Variants in SRSF9 observed in about 807,000 individuals in gnomAD.
The protein encoded by SRSF9 is serine and arginine rich splicing factor 9.
Under a neutral mutation model 25.9 loss-of-function variants are expected in SRSF9, and 3 were observed. That is an observed-to-expected ratio of 0.12 (90% CI 0.05 to 0.30). SRSF9 has a LOEUF of 0.30. Ranked by LOEUF, SRSF9 falls within the 10% of genes least tolerant of loss-of-function variation. The probability of loss-of-function intolerance (pLI) is 1.00; values close to 1 mark genes in which losing one functional copy is unlikely to be tolerated. For synonymous variants in SRSF9, 114 were observed against 113.2 expected (o/e 1.01, Z -0.05); for missense variants, 161 against 303.5 (o/e 0.53, Z 3.49).
Position 120,461,902 on chromosome 12 carries a change from A to G in SRSF9, c.*117T>C. 8.8e-7 allele frequency: 1 copy of G among 1,142,538 alleles called. No individual in the cohort carries two copies. The highest frequency in any genetic ancestry group is 2.9e-5 in the South Asian group (1 of 34,034). 70.8% of individuals were successfully genotyped at this position (1,142,538 alleles called of 1,614,324 possible). The stretch of plus-strand genomic sequence containing the variant: ...TTATGTAGTTTTTTTTCTTCTTTAA[A>G]AAAAAAAAATTAAAAAAATTTCCTA... On this transcript the variant is annotated 3_prime_UTR_variant, in exon 4 of 4. Transcript: ENST00000229390.
intron 1 of SRSF9, among the ~76,000 whole-genome samples, chr12:120,468,926 C>A (rs1037623553): frequency 6.6e-6 from 1 of 152,080 alleles, no homozygotes; most frequent in Admixed American, 6.5e-5. Context: ...CGGGGCGGGG[C>A]GCGCGAACGG....
intron 3 of SRSF9, 99 bp from the exon 4 acceptor site, chr12:120,462,261 A>G (rs1878367139): frequency 7.6e-7 from 1 of 1,320,630 alleles, no homozygotes; most frequent in Non-Finnish European, 1.0e-6. Context: ...AGTATTGAGC[A>G]CTTACTGTGT....
intron 3 of SRSF9, 119 bp downstream of exon 3, chr12:120,463,831 A>G (rs1192038544): frequency 8.4e-6 from 10 of 1,193,660 alleles, no homozygotes; most frequent in East Asian, 4.8e-5. Context: ...TCCACCTAAG[A>G]TAGATCTCTT....
chr12:120,469,553 C>T lies in SRSF9; in HGVS notation c.57G>A (p.Gly19=). 6.3e-7 allele frequency: 1 copy of T among 1,579,308 alleles called. No individual in the cohort carries two copies. Among genetic ancestry groups the T allele is most frequent in the Non-Finnish European group, 8.6e-7 (1 of 1,165,466 alleles). ...GGEGDGRIYV[G]NLPTDVREKD... ...TCTCGCGCACGTCGGTCGGAAGGTT[C>T]CCCACGTAGATGCGCCCGTCGCCCT... Residue 19 remains glycine (G), a synonymous_variant, in exon 1 of 4, where the codon GGG becomes GGA. Transcript: ENST00000229390.
intron 1 of SRSF9, among the ~76,000 whole-genome samples, chr12:120,467,701 CAA>C (rs1329913232): frequency 2.0e-5 from 3 of 151,800 alleles, no homozygotes; most frequent in Admixed American, 6.6e-5. Context: ...CTAGTGACAC[CAA>C]AAGATAGTTT....
chr12:120,462,419 G>T, intron 3 of SRSF9: 1 of 348,308 alleles, frequency 2.9e-6, no homozygotes, highest in Non-Finnish European at 5.2e-6. Flanking sequence ...AATTTGACAT[G>T]TTGATACTCA....
chr12:120,464,320 G>T, intron 2 of SRSF9, 198 bp from the exon 3 acceptor site: 1 of 526,274 alleles, frequency 1.9e-6, no homozygotes. Context: ...TGAGAAGCTG[G>T]TTTTAAGTTC....
Position 120,462,068 on chromosome 12 carries a change from T to C in SRSF9, c.617A>G (p.Tyr206Cys). Residue 206 changes from tyrosine to cysteine, a missense_variant, in exon 4 of 4, where the codon TAC becomes TGC. By Grantham distance (194) the Tyr-to-Cys change is radical. Coordinates refer to ENST00000229390, the MANE Select transcript of SRSF9 (RefSeq NM_003769.3). ...GTAGTGTGGGGAACCCCTGCTTTGGTATGGAGAGTCACGGCCCCTTGACCC... is the reference window on the plus strand; with the variant it reads ...GTAGTGTGGGGAACCCCTGCTTTGGCATGGAGAGTCACGGCCCCTTGACCC... ...RSGSRGRDSPYQSRGSPHYFS... is the reference protein window; with the variant it reads ...RSGSRGRDSPCQSRGSPHYFS... The C allele has an allele frequency of 6.2e-7, 1 of 1,612,068 alleles. No individual in the cohort carries two copies. The highest frequency in any genetic ancestry group is 8.5e-7 in the Non-Finnish European group (1 of 1,179,894).
At position 120,469,407 on chromosome 12, in the gene SRSF9, G is replaced by T; in HGVS notation, c.188+15C>A. On this transcript the variant is annotated intron_variant, in intron 1 of 3. Transcript: ENST00000229390. ...AGGCACCGAGGAGGAGAGGGCAGGGGCGCGGGGGCCTCACCGGGGGTCCTC... is the reference window on the plus strand; with the variant it reads ...AGGCACCGAGGAGGAGAGGGCAGGGTCGCGGGGGCCTCACCGGGGGTCCTC... 2 of 1,567,300 alleles carry T rather than the reference G, an allele frequency of 1.3e-6. No individual in the cohort carries two copies. Among genetic ancestry groups the T allele is most frequent in the Non-Finnish European group, 1.7e-6 (2 of 1,157,572 alleles).
At position 120,469,682 on chromosome 12, in the gene SRSF9, G is replaced by T; in HGVS notation, c.-73C>A. 9.9e-7 allele frequency: 1 copy of T among 1,010,870 alleles called. No homozygotes were observed. The highest frequency in any genetic ancestry group is 1.3e-6 in the Non-Finnish European group (1 of 798,880). The allele number at this position is 1,010,870 out of a possible 1,614,324, so 62.6% of individuals were successfully genotyped here. On this transcript the variant is annotated 5_prime_UTR_variant, in exon 1 of 4. It adds an upstream start codon to the 5' untranslated region. Coordinates refer to ENST00000229390, the MANE Select transcript of SRSF9 (RefSeq NM_003769.3). ...CCGCCTCAGCACGGGTCCCCCCGCA[G>T]CGTCCCCGCGGGCTCCGAGGCGCTC...
chr12:120,464,276 G>A, intron 2 of SRSF9, 154 bp from the exon 3 acceptor site: 1 of 832,084 alleles, frequency 1.2e-6, no homozygotes, highest in South Asian at 2.1e-5. Flanking sequence ...AATCAGAAAA[G>A]AGCACTGAAG....
intron 1 of SRSF9, 137 bp downstream of exon 1, chr12:120,469,285 A>AG: frequency 2.0e-6 from 1 of 506,970 alleles, no homozygotes; most frequent in Non-Finnish European, 3.3e-6. Flanking sequence ...TCCACCCGTG[A>AG]GGGGGCGCCG....
intron 2 of SRSF9, chr12:120,464,812 C>CTAATAGTT (rs1439364750): frequency 6.6e-6 from 1 of 151,938 alleles, no homozygotes; most frequent in Non-Finnish European, 1.5e-5. Flanking sequence ...CAGCCATTTC[C>CTAATAGTT]TAATAGTTTT....
rs147471787 is a variant in SRSF9 at position 120,467,438 on chromosome 12, T to C, written c.189-1651A>G. On this transcript the variant is annotated intron_variant, in intron 1 of 3. Transcript: ENST00000229390. ...ATCTCTTGAACCCAGGAGGCGAAGG[T>C]TGCAGTGAGCTGAGACTGTGCCGCT... 2.6e-5 allele frequency among the ~76,000 whole-genome samples: 4 copies of C among 152,110 alleles called. No individual in the cohort carries two copies. In the South Asian group the frequency reaches 6.2e-4, roughly 24 times the overall value.
intron 1 of SRSF9, among the ~76,000 whole-genome samples, chr12:120,467,119 C>T (rs1167801458): frequency 6.6e-6 from 1 of 152,106 alleles, no homozygotes. Context: ...GAACTAAAAG[C>T]AACAATGACC....
chr12:120,465,567 G>C (rs983551608), intron 2 of SRSF9, 60 bp downstream of exon 2: 3 of 1,499,306 alleles, frequency 2.0e-6, no homozygotes, highest in Non-Finnish European at 2.7e-6. Context: ...TTTCTTGGAA[G>C]ACAGACTCTG....
intron 1 of SRSF9, among the ~76,000 whole-genome samples, chr12:120,469,085 C>G (rs1878565278): frequency 6.6e-6 from 1 of 152,146 alleles, no homozygotes; most frequent in South Asian, 2.1e-4. Context: ...GCCGCTTCCC[C>G]CTACGGTGCT....
intron 1 of SRSF9, among the ~76,000 whole-genome samples, chr12:120,467,776 C>A (rs1878513893): frequency 6.6e-6 from 1 of 150,528 alleles, no homozygotes; most frequent in Non-Finnish European, 1.5e-5. Flanking sequence ...AGTTTGCATT[C>A]GAAAAACAGA....
At chr12:120,465,445 C>T in intron 2 of SRSF9, 182 bp downstream of exon 2, 1 of 548,410 alleles carries the variant, frequency 1.8e-6, no homozygotes, top group East Asian at 3.6e-5. Flanking sequence ...GCACTCCCAG[C>T]GCAATTTCAT....
Sources: gnomAD v4.1 joint callset for allele counts (sites outside exome capture counted in the v4.1 genomes callset) on GRCh38, gnomAD v4.1.1 for gene constraint, MANE v1.5 for transcripts, NCBI Gene and HGNC (gene_info 2026-07-23, HGNC 2026-07-21) for gene names.